The following PLGRKT variants were observed in gnomAD, a reference collection of about 807,000 sequenced individuals.
The protein encoded by PLGRKT is plasminogen receptor with a C-terminal lysine.
A neutral mutation model predicts 18.5 loss-of-function variants in PLGRKT; 22 were observed. That is an observed-to-expected ratio of 1.19 (90% confidence interval 0.85 to 1.70). The LOEUF is 1.70. Ranked by LOEUF, PLGRKT falls within the 40% of genes most tolerant of loss-of-function variation. PLGRKT has a pLI of 0.00. For synonymous variants in PLGRKT, 72 were observed against 52.8 expected (o/e 1.36, Z -1.58); for missense variants, 235 against 174.4 (o/e 1.35, Z -1.96).
intron 3 of PLGRKT, among the ~76,000 whole-genome samples, chr9:5,381,526 ACAGACATGCCTGGATGTC>A (rs1817746371): frequency 6.6e-6 from 1 of 152,290 alleles, no homozygotes; most frequent in South Asian, 2.1e-4. Context: ...CAGAGGATGT[ACAGACATGCCTGGATGTC>A]CAGGCAAAGT....
chr9:5,438,045 A>G (rs1308202746), upstream of PLGRKT, among the ~76,000 whole-genome samples: 6 of 152,210 alleles, frequency 3.9e-5, no homozygotes, highest in Non-Finnish European at 8.8e-5. Flanking sequence ...CAAAAGAGGC[A>G]AATTCAAAGC....
intron 3 of PLGRKT, among the ~76,000 whole-genome samples, chr9:5,427,234 C>A (rs574133982): frequency 6.6e-6 from 1 of 152,270 alleles, no homozygotes; most frequent in Non-Finnish European, 1.5e-5. Flanking sequence ...CTGTTAGTTA[C>A]CTAATAGCCA....
At chr9:5,370,481 T>C (rs77846696) in intron 3 of PLGRKT, among the ~76,000 whole-genome samples, 168 of 152,338 alleles carry the variant, frequency 1.1e-3, no homozygotes, top group East Asian at 4.6e-3. Context: ...TTTTGAGAAA[T>C]AATTAGGCCA....
intron 3 of PLGRKT, among the ~76,000 whole-genome samples, chr9:5,380,081 T>C (rs975166064): frequency 1.3e-5 from 2 of 152,162 alleles, no homozygotes; most frequent in Admixed American, 1.3e-4. Flanking sequence ...ACAAAAAGAA[T>C]AGGCTGGGCG....
In PLGRKT at chr9:5,378,017, CT is replaced by C. The variant is rs1430184389; in HGVS notation, c.82-16130del. Among the ~76,000 whole-genome samples, 3 of 152,154 alleles carry C rather than the reference CT, an allele frequency of 2.0e-5. No individual in the cohort carries two copies. The East Asian group carries it at 5.8e-4, about 29-fold the overall frequency. ...GTGGGGTTCTTCAGCCTGCTTCTTG[CT>C]CATCCACCCTAAAGGGAAGCTCTTG... On this transcript the variant is annotated intron_variant, in intron 3 of 5. Coordinates refer to ENST00000223864, the MANE Select transcript of PLGRKT (RefSeq NM_018465.4).
chr9:5,402,389 A>C (rs919930027), intron 3 of PLGRKT, among the ~76,000 whole-genome samples: 1 of 151,890 alleles, frequency 6.6e-6, no homozygotes, highest in African/African-American at 2.4e-5. Flanking sequence ...AGGGGAAGGA[A>C]ACAGTATTAA....
At chr9:5,385,417 C>T (rs1817823856) in intron 3 of PLGRKT, among the ~76,000 whole-genome samples, 2 of 151,604 alleles carry the variant, frequency 1.3e-5, no homozygotes, top group East Asian at 1.9e-4. Flanking sequence ...AGGATGGTCT[C>T]GATCTCCTGA....
At chr9:5,414,964 G>T (rs953961660) in intron 3 of PLGRKT, among the ~76,000 whole-genome samples, 3 of 152,198 alleles carry the variant, frequency 2.0e-5, no homozygotes, top group Admixed American at 6.5e-5. Flanking sequence ...GTGTGTCTAT[G>T]CATGGGTTCA....
chr9:5,395,961 T>C (rs1444353218), intron 3 of PLGRKT, among the ~76,000 whole-genome samples: 4 of 150,352 alleles, frequency 2.7e-5, no homozygotes, highest in Admixed American at 6.7e-5. Context: ...TGGCACAATC[T>C]TGGTTCACTG....
intron 3 of PLGRKT, among the ~76,000 whole-genome samples, chr9:5,369,178 G>A (rs1586703058): frequency 6.6e-6 from 1 of 152,150 alleles, no homozygotes; most frequent in African/African-American, 2.4e-5. Flanking sequence ...ACCAACTACA[G>A]AATGGGAGAA....
chr9:5,435,050 T>C (rs1392957627), intron 2 of PLGRKT, among the ~76,000 whole-genome samples: 5 of 151,946 alleles, frequency 3.3e-5, no homozygotes, highest in Non-Finnish European at 1.5e-5. Flanking sequence ...ACATGTGCTG[T>C]GTCAACTCAG....
chr9:5,408,941 G>A (rs1818308455), intron 3 of PLGRKT, among the ~76,000 whole-genome samples: 1 of 152,240 alleles, frequency 6.6e-6, no homozygotes. Flanking sequence ...GTAAGTCTTG[G>A]CAGCTTCCAT....
intron 3 of PLGRKT, among the ~76,000 whole-genome samples, chr9:5,391,551 C>A (rs1817949694): frequency 6.6e-6 from 1 of 151,944 alleles, no homozygotes; most frequent in Admixed American, 6.5e-5. Flanking sequence ...CAGTGATAAA[C>A]TGGTGTAGAC....
chr9:5,431,720 G>A (rs1211886878), intron 3 of PLGRKT, among the ~76,000 whole-genome samples, 177 bp downstream of exon 3: 2 of 152,062 alleles, frequency 1.3e-5, no homozygotes, highest in Non-Finnish European at 2.9e-5. Context: ...ATCTGGATTG[G>A]AGATTTAAAT....
chr9:5,426,987 A>C (rs1818714814), intron 3 of PLGRKT, among the ~76,000 whole-genome samples: 1 of 152,244 alleles, frequency 6.6e-6, no homozygotes, highest in Non-Finnish European at 1.5e-5. Flanking sequence ...CCATGAAATA[A>C]TAACAGGCTA....
rs751516156 is a variant in PLGRKT at position 5,431,887 on chromosome 9, T to TA, written c.81+9dup. On this transcript the variant is annotated intron_variant, in intron 3 of 5. Coordinates refer to ENST00000223864, the MANE Select transcript of PLGRKT (RefSeq NM_018465.4). ...TAACAACATAATAGCTTAATTATTT[T>TA]AAAACATACCTGAAGTCGAGCATTC... 7.5e-7 allele frequency: 1 copy of TA among 1,335,278 alleles called. No individual in the cohort carries two copies. Among genetic ancestry groups the TA allele is most frequent in the East Asian group, 2.3e-5 (1 of 43,602 alleles). The allele number at this position is 1,335,278 out of a possible 1,614,324, so 82.7% of individuals were successfully genotyped here.
intron 3 of PLGRKT, among the ~76,000 whole-genome samples, chr9:5,390,040 C>T (rs1321394564): frequency 1.3e-5 from 2 of 151,654 alleles, no homozygotes; most frequent in Admixed American, 6.6e-5. Flanking sequence ...GTCAGACAGT[C>T]ATTGAGGAAA....
intron 3 of PLGRKT, among the ~76,000 whole-genome samples, chr9:5,411,722 T>C (rs1818369958): frequency 6.6e-6 from 1 of 152,266 alleles, no homozygotes; most frequent in Non-Finnish European, 1.5e-5. Flanking sequence ...ATATTTCCAA[T>C]TACTGACAAG....
At chr9:5,378,902 A>G (rs1817683707) in intron 3 of PLGRKT, among the ~76,000 whole-genome samples, 1 of 152,216 alleles carries the variant, frequency 6.6e-6, no homozygotes, top group Non-Finnish European at 1.5e-5. Flanking sequence ...TAGCCAATAA[A>G]TATTTTTAAA....
Sources: allele counts gnomAD v4.1 joint callset (sites outside exome capture counted in the v4.1 genomes callset), GRCh38; gene constraint gnomAD v4.1.1; transcripts MANE v1.5; gene names NCBI Gene and HGNC (gene_info 2026-07-23, HGNC 2026-07-21).